C12orf42: variants seen among roughly 807,000 people sequenced by gnomAD.
C12orf42 encodes uncharacterized protein C12orf42.
A neutral mutation model predicts 21.6 loss-of-function variants in C12orf42; 25 were observed. That is an observed-to-expected ratio of 1.16 (90% CI 0.84 to 1.62). The LOEUF is 1.62. C12orf42 is among the 40% of genes most tolerant of loss of function. The pLI is 0.00. For synonymous variants in C12orf42, 174 were observed against 175.0 expected (o/e 0.99, Z 0.05); for missense variants, 483 against 459.3 (o/e 1.05, Z -0.47).
chr12:103,477,261 C>A (rs760379943), intron 2 of C12orf42, among the ~76,000 whole-genome samples: 1 of 151,710 alleles, frequency 6.6e-6, no homozygotes, highest in Non-Finnish European at 1.5e-5. Flanking sequence ...ATGGCAGGAC[C>A]TCTGGGCAGA....
At chr12:103,097,584 T>C in the C12orf42 span, among the ~76,000 whole-genome samples, 2 of 152,236 alleles carry the variant, frequency 1.3e-5, no homozygotes, top group African/African-American at 4.8e-5. Context: ...CATTTTGCAC[T>C]GTACAGATGG....
chr12:103,089,320 A>T, the C12orf42 span, among the ~76,000 whole-genome samples: 1 of 152,110 alleles, frequency 6.6e-6, no homozygotes, highest in African/African-American at 2.4e-5. Flanking sequence ...AAGAAAATGT[A>T]TTGTTGCATT....
chr12:103,258,336 A>G (rs1198743175), intron 10 of C12orf42, among the ~76,000 whole-genome samples: 2 of 152,130 alleles, frequency 1.3e-5, no homozygotes, highest in African/African-American at 2.4e-5. Flanking sequence ...AGTGATCAGA[A>G]TAAAAATAGA....
rs112802458 is a variant in C12orf42, at chr12:103,277,609, C to A, written n.338-399G>T. ...ATCTGACCTTGATGGGCACAATTTT[C>A]TTTTTCTTTTTCTTTTTCTTTTTTT... On this transcript the variant is annotated intron_variant and non_coding_transcript_variant, in intron 4 of 6. Transcript: ENST00000546526. Among the ~76,000 whole-genome samples, 882 of 150,262 alleles carry A rather than the reference C, an allele frequency of 5.9e-3. 4 individuals are homozygous for A. The highest frequency in any genetic ancestry group is 0.02 in the African/African-American group (796 of 40,496).
chr12:103,393,082 G>A (rs1488732689), intron 3 of C12orf42, among the ~76,000 whole-genome samples: 1 of 151,820 alleles, frequency 6.6e-6, no homozygotes, highest in Non-Finnish European at 1.5e-5. Flanking sequence ...TTCCTTTTTT[G>A]GTCAGTCAAC....
At chr12:103,543,006 T>C in the C12orf42 span, among the ~76,000 whole-genome samples, 1 of 152,198 alleles carries the variant, frequency 6.6e-6, no homozygotes, top group African/African-American at 2.4e-5. Flanking sequence ...GTGTGAATGG[T>C]ATCTGGAAGA....
chr12:103,440,411 A>AAAAAT lies in C12orf42; in HGVS notation c.78+37933_78+37937dup, dbSNP rs566261160. On this transcript the variant is annotated intron_variant, in intron 2 of 5. Transcript: ENST00000548883. ...TACGCTAAAACTTAAAGTATAATAA[A>AAAAAT]AAAATAAAATAAAATAAAATAAATA... 3.9e-3 allele frequency among the ~76,000 whole-genome samples: 566 copies of AAAAAT among 146,528 alleles called. 7 individuals are homozygous for AAAAAT. The highest frequency in any genetic ancestry group is 0.013 in the African/African-American group (537 of 40,196).
the C12orf42 span, among the ~76,000 whole-genome samples, chr12:103,506,815 T>A: frequency 1.0e-5 from 1 of 96,658 alleles, no homozygotes; most frequent in Non-Finnish European, 1.8e-5. Flanking sequence ...CAAATACATG[T>A]TTATATATAT....
chr12:103,507,104 A>G, the C12orf42 span, among the ~76,000 whole-genome samples: 7 of 14,866 alleles, frequency 4.7e-4, no homozygotes, highest in Non-Finnish European at 5.9e-4. Flanking sequence ...TTATATATAT[A>G]ATATAAATAT....
the C12orf42 span, among the ~76,000 whole-genome samples, chr12:103,099,885 C>T: frequency 0.01 from 1,594 of 152,256 alleles, 9 homozygotes; most frequent in South Asian, 0.019. Flanking sequence ...AATAAGAGAA[C>T]ATGCATCTCT....
the C12orf42 span, among the ~76,000 whole-genome samples, chr12:103,213,958 T>C: frequency 6.6e-6 from 1 of 152,218 alleles, no homozygotes; most frequent in Non-Finnish European, 1.5e-5. Context: ...CCAGCTTATT[T>C]TTAAGTCCTG....
At chr12:103,314,160 G>A (rs1031250144) in intron 4 of C12orf42, among the ~76,000 whole-genome samples, 1 of 152,102 alleles carries the variant, frequency 6.6e-6, no homozygotes, top group East Asian at 1.9e-4. Flanking sequence ...ACTGAGAGCA[G>A]CCCAGATGGA....
At chr12:103,209,212 T>C in the C12orf42 span, among the ~76,000 whole-genome samples, 1 of 152,198 alleles carries the variant, frequency 6.6e-6, no homozygotes, top group African/African-American at 2.4e-5. Context: ...ATTTATATAA[T>C]GATGTAACTT....
At chr12:103,348,018 T>C (rs1172647483) in intron 4 of C12orf42, among the ~76,000 whole-genome samples, 2 of 152,218 alleles carry the variant, frequency 1.3e-5, no homozygotes, top group African/African-American at 2.4e-5. Context: ...TGATTACTAC[T>C]GTATGATAAT....
chr12:103,389,753 T>C (rs2060089953), intron 3 of C12orf42, among the ~76,000 whole-genome samples: 1 of 152,166 alleles, frequency 6.6e-6, no homozygotes, highest in Non-Finnish European at 1.5e-5. Context: ...GTGCATCCAT[T>C]GTCCATGAAG....
At chr12:103,397,216 A>T (rs1260547502) in intron 3 of C12orf42, among the ~76,000 whole-genome samples, 2 of 152,210 alleles carry the variant, frequency 1.3e-5, no homozygotes, top group Non-Finnish European at 2.9e-5. Flanking sequence ...GTTGCAACAG[A>T]CCATTGCATA....
chr12:103,242,534 AT>A (rs960939053), intron 10 of C12orf42, among the ~76,000 whole-genome samples: 10 of 152,036 alleles, frequency 6.6e-5, no homozygotes, highest in African/African-American at 9.6e-5. Context: ...CATTTTTCAA[AT>A]TTTTTTTCTG....
chr12:103,051,020 T>C, the C12orf42 span, among the ~76,000 whole-genome samples: 18 of 152,280 alleles, frequency 1.2e-4, no homozygotes, highest in South Asian at 3.3e-3. Flanking sequence ...GGGCACTTAA[T>C]GAGTTTCCTT....
intron 4 of C12orf42, among the ~76,000 whole-genome samples, chr12:103,322,102 CGCGCGT>C (rs1160260701): frequency 1.8e-5 from 2 of 108,720 alleles, no homozygotes; most frequent in African/African-American, 9.8e-5. Context: ...CAGATGTGCA[CGCGCGT>C]GCGTGCGCGC....
Sources: allele counts gnomAD v4.1 joint callset (sites outside exome capture counted in the v4.1 genomes callset), GRCh38; gene constraint gnomAD v4.1.1; transcripts MANE v1.5; gene names NCBI Gene and HGNC (gene_info 2026-07-23, HGNC 2026-07-21).